Variants in HSD17B12 observed in about 807,000 individuals in gnomAD.
HSD17B12 encodes the protein hydroxysteroid 17-beta dehydrogenase 12, also known as very-long-chain 3-oxoacyl-CoA reductase.
Under a neutral mutation model 39.3 loss-of-function variants are expected in HSD17B12, and 32 were observed. That is an observed-to-expected ratio of 0.81 (90% CI 0.61 to 1.09). The LOEUF (loss-of-function observed/expected upper bound fraction) is 1.09, where lower values mean the gene tolerates loss of function less well. HSD17B12 is among the 50% of genes least tolerant of loss of function. The pLI is 0.00. For missense variants in HSD17B12, 342 were observed against 382.9 expected, an observed-to-expected ratio of 0.89 and a Z score of 0.89; for synonymous variants, 150 against 146.7, an observed-to-expected ratio of 1.02 and a Z score of -0.16.
chr11:43,613,018 A>G, the HSD17B12 span, among the ~76,000 whole-genome samples: 51 of 152,304 alleles, frequency 3.3e-4, no homozygotes, highest in Non-Finnish European at 6.5e-4. Context: ...GTACCCAGGA[A>G]CCAGGTTTGT....
At chr11:43,604,652 G>A in the HSD17B12 span, among the ~76,000 whole-genome samples, 2 of 152,134 alleles carry the variant, frequency 1.3e-5, no homozygotes, top group Non-Finnish European at 2.9e-5. Flanking sequence ...CTTCTAATGA[G>A]TTAGTCTAAT....
the HSD17B12 span, among the ~76,000 whole-genome samples, chr11:43,577,335 G>A: frequency 6.6e-6 from 1 of 152,328 alleles, no homozygotes; most frequent in Non-Finnish European, 1.5e-5. Context: ...AGCTTTGGGG[G>A]GAAGGAGGGG....
chr11:43,630,896 C>G, the HSD17B12 span, among the ~76,000 whole-genome samples: 4 of 152,018 alleles, frequency 2.6e-5, no homozygotes, highest in Admixed American at 6.5e-5. Flanking sequence ...CCTCCACCCC[C>G]CAGGTTCAAG....
chr11:43,701,900 ATTTGTAGATTGC>A (rs1490953618), intron 1 of HSD17B12, among the ~76,000 whole-genome samples: 3 of 152,176 alleles, frequency 2.0e-5, no homozygotes, highest in Non-Finnish European at 4.4e-5. Flanking sequence ...ATTACATTGA[ATTTGTAGATTGC>A]TTTGGGTAGT....
chr11:43,775,221 A>G (rs1340964525), intron 3 of HSD17B12, among the ~76,000 whole-genome samples: 1 of 152,210 alleles, frequency 6.6e-6, no homozygotes, highest in Non-Finnish European at 1.5e-5. Context: ...CCTTAGATGA[A>G]ATCCTAGCCT....
the HSD17B12 span, among the ~76,000 whole-genome samples, chr11:43,575,979 T>G: frequency 1.5e-4 from 23 of 152,132 alleles, no homozygotes; most frequent in African/African-American, 5.3e-4. This position sits in a 1 kb window ranked among gnomAD's most constrained non-coding sequence, Gnocchi z 4.1. Flanking sequence ...TTTCCTCATC[T>G]GGGAATCTCC....
intron 1 of HSD17B12, among the ~76,000 whole-genome samples, chr11:43,713,898 T>C (rs1286559900): frequency 6.6e-6 from 1 of 152,388 alleles, no homozygotes; most frequent in South Asian, 2.1e-4. Context: ...CATTTTTTCA[T>C]GTGCCTGTTG....
At chr11:43,573,975 C>G in the HSD17B12 span, among the ~76,000 whole-genome samples, 5 of 152,254 alleles carry the variant, frequency 3.3e-5, no homozygotes, top group Non-Finnish European at 7.3e-5. Context: ...CCGCCTCCCT[C>G]TCATTGATAT....
At chr11:43,578,473 G>A in the HSD17B12 span, among the ~76,000 whole-genome samples, 12 of 152,122 alleles carry the variant, frequency 7.9e-5, no homozygotes, top group Non-Finnish European at 1.5e-4. Flanking sequence ...TAGTAACAAG[G>A]GCTTTTACCG....
the HSD17B12 span, among the ~76,000 whole-genome samples, chr11:43,578,620 C>T: frequency 2.0e-5 from 3 of 152,154 alleles, no homozygotes; most frequent in African/African-American, 7.2e-5. Flanking sequence ...TTCCCTTTCC[C>T]AAGCCTCGCC....
chr11:43,613,146 G>A, the HSD17B12 span, among the ~76,000 whole-genome samples: 1 of 152,162 alleles, frequency 6.6e-6, no homozygotes, highest in Admixed American at 6.5e-5. Context: ...GCTCACACCT[G>A]TAATCCCAAC....
chr11:43,796,892 T>G (rs1023927960), intron 3 of HSD17B12, among the ~76,000 whole-genome samples: 4 of 152,210 alleles, frequency 2.6e-5, no homozygotes, highest in Non-Finnish European at 5.9e-5. Flanking sequence ...TCAGCATTCT[T>G]TATTTACTGG....
intron 9 of HSD17B12, among the ~76,000 whole-genome samples, chr11:43,843,324 G>T (rs1034504770): frequency 2.0e-5 from 3 of 152,108 alleles, no homozygotes; most frequent in African/African-American, 4.8e-5. Flanking sequence ...TTTCTTTGGC[G>T]GTGTTTATGC....
At chr11:43,583,075 T>C in the HSD17B12 span, among the ~76,000 whole-genome samples, 2 of 152,174 alleles carry the variant, frequency 1.3e-5, no homozygotes, top group East Asian at 3.9e-4. Flanking sequence ...CTTTTGTCTT[T>C]TGCTTCTTAC....
At chr11:43,558,076 G>A in the HSD17B12 span, among the ~76,000 whole-genome samples, 1 of 152,192 alleles carries the variant, frequency 6.6e-6, no homozygotes, top group Non-Finnish European at 1.5e-5. Context: ...TTATCAACAA[G>A]TGTTTCTCCT....
intron 3 of HSD17B12, among the ~76,000 whole-genome samples, chr11:43,796,363 A>T (rs1950916400): frequency 1.3e-5 from 2 of 152,126 alleles, no homozygotes; most frequent in South Asian, 4.1e-4. Flanking sequence ...AAAAAAAAAA[A>T]TGGAAAGGCT....
intron 6 of HSD17B12, among the ~76,000 whole-genome samples, chr11:43,820,943 A>G (rs1283607011): frequency 6.6e-6 from 1 of 152,228 alleles, no homozygotes; most frequent in African/African-American, 2.4e-5. Flanking sequence ...AGATGATTGT[A>G]AAAATCACAT....
chr11:43,681,646 G>A (rs72906866), intron 1 of HSD17B12, among the ~76,000 whole-genome samples: 3,174 of 151,440 alleles, frequency 0.021, 48 homozygotes, highest in Non-Finnish European at 0.033. Context: ...TCTGTAAAAT[G>A]ATAACTCATC....
At chr11:43,760,368 T>C (rs1025898880) in intron 3 of HSD17B12, among the ~76,000 whole-genome samples, 1 of 152,190 alleles carries the variant, frequency 6.6e-6, no homozygotes, top group Non-Finnish European at 1.5e-5. Context: ...GTATTTCTGA[T>C]TGGATGCAGT....
Sources: gnomAD v4.1 joint callset for allele counts (sites outside exome capture counted in the v4.1 genomes callset) on GRCh38, gnomAD v4.1.1 for gene constraint, Gnocchi (gnomAD v3.1) non-coding constraint, MANE v1.5 for transcripts, NCBI Gene and HGNC (gene_info 2026-07-23, HGNC 2026-07-21) for gene names.